The following RXFP1 variants were observed in gnomAD, a reference collection of about 807,000 sequenced individuals.
RXFP1 encodes the protein relaxin family peptide receptor 1, also known as relaxin receptor 1.
RXFP1 carries 73 observed loss-of-function variants against 89.8 expected under a neutral mutation model. The ratio of observed to expected loss-of-function variants is 0.81; its 90% confidence interval spans 0.67 to 0.99. The LOEUF is 0.99. Ranked by LOEUF, RXFP1 falls within the 50% of genes least tolerant of loss-of-function variation. RXFP1 has a pLI of 0.00. For synonymous variants in RXFP1, 277 were observed against 305.5 expected (o/e 0.91, Z 0.97); for missense variants, 793 against 895.5 (o/e 0.89, Z 1.46).
intron 1 of RXFP1, among the ~76,000 whole-genome samples, chr4:158,529,053 A>G (rs1372387235): frequency 6.6e-6 from 1 of 152,188 alleles, no homozygotes; most frequent in East Asian, 1.9e-4. Flanking sequence ...GTTTCCTGAG[A>G]TAGAGTAACA....
intron 2 of RXFP1, among the ~76,000 whole-genome samples, chr4:158,581,461 T>C (rs1434647900): frequency 6.6e-6 from 1 of 152,220 alleles, no homozygotes; most frequent in East Asian, 1.9e-4. Context: ...AAATCTCTTA[T>C]TGATAAAATT....
At chr4:158,531,635 T>G (rs184360914) in intron 1 of RXFP1, among the ~76,000 whole-genome samples, 2 of 152,300 alleles carry the variant, frequency 1.3e-5, no homozygotes, top group East Asian at 3.9e-4. Context: ...GAAGGAAATG[T>G]TATAAACTAC....
intron 2 of RXFP1, among the ~76,000 whole-genome samples, chr4:158,585,436 C>T (rs561534036): frequency 6.6e-6 from 1 of 152,334 alleles, no homozygotes; most frequent in Admixed American, 6.5e-5. Flanking sequence ...CCTTTGTCCT[C>T]ATCCCCCAGT....
chr4:158,564,514 C>T (rs534616957), intron 1 of RXFP1, among the ~76,000 whole-genome samples: 9 of 152,254 alleles, frequency 5.9e-5, no homozygotes, highest in African/African-American at 2.2e-4. Flanking sequence ...TCCTCCAAGC[C>T]AGAGAGACTC....
At chr4:158,579,615 C>G (rs1378465871) in intron 2 of RXFP1, among the ~76,000 whole-genome samples, 1 of 152,130 alleles carries the variant, frequency 6.6e-6, no homozygotes, top group Non-Finnish European at 1.5e-5. Flanking sequence ...TTACAGCAGC[C>G]CTGGGGAACA....
intron 1 of RXFP1, among the ~76,000 whole-genome samples, chr4:158,556,262 C>T (rs547206752): frequency 5.4e-5 from 8 of 149,418 alleles, no homozygotes; most frequent in African/African-American, 1.5e-4. Context: ...GACAAAAGAC[C>T]TTAATGGATG....
intron 2 of RXFP1, among the ~76,000 whole-genome samples, chr4:158,584,899 A>G (rs1020932230): frequency 1.3e-5 from 2 of 152,232 alleles, no homozygotes; most frequent in Non-Finnish European, 2.9e-5. Context: ...CATAACACCT[A>G]GAAAATGATT....
intron 8 of RXFP1, 38 bp from the exon 9 acceptor site, chr4:158,617,093 C>T: frequency 7.0e-7 from 1 of 1,423,734 alleles, no homozygotes; most frequent in East Asian, 2.3e-5. Flanking sequence ...GAGAAGAGAA[C>T]CAGAAAAATG....
At chr4:158,571,813 C>T (rs945801943) in intron 1 of RXFP1, among the ~76,000 whole-genome samples, 3 of 152,156 alleles carry the variant, frequency 2.0e-5, no homozygotes, top group Non-Finnish European at 2.9e-5. Flanking sequence ...TGGAAGCTTT[C>T]GTATGTAAAT....
chr4:158,615,113 T>C (rs1162384162), intron 8 of RXFP1, among the ~76,000 whole-genome samples: 1 of 152,106 alleles, frequency 6.6e-6, no homozygotes, highest in Non-Finnish European at 1.5e-5. Flanking sequence ...TTAGAAGCCA[T>C]TGTAAGGTCA....
chr4:158,529,240 G>GTTTTT lies in RXFP1; in HGVS notation c.49+7217_49+7221dup, dbSNP rs60839416. ...GTCTGATCTCTTTTTTTGCTTGCTTGTTTTTTGTTGTTGTTGTTGTTGTTG... is the reference window on the plus strand; with the variant it reads ...GTCTGATCTCTTTTTTTGCTTGCTTGTTTTTTTTTTTGTTGTTGTTGTTGTTGTTG... On this transcript the variant is annotated intron_variant, in intron 1 of 17. Transcript: ENST00000307765. 7.6e-3 allele frequency among the ~76,000 whole-genome samples: 1,013 copies of GTTTTT among 134,054 alleles called. 8 individuals are homozygous for GTTTTT. The highest frequency in any genetic ancestry group is 0.01 in the Non-Finnish European group (675 of 65,836). The allele number at this position is 134,054 out of a possible 152,430, so 87.9% of individuals were successfully genotyped here.
chr4:158,629,439 T>C (rs1019389567), intron 11 of RXFP1, among the ~76,000 whole-genome samples: 1 of 152,184 alleles, frequency 6.6e-6, no homozygotes. Context: ...ATTTTTATAA[T>C]GCCCCTTTTT....
chr4:158,574,358 T>A (rs1755777625), intron 2 of RXFP1, among the ~76,000 whole-genome samples: 2 of 152,192 alleles, frequency 1.3e-5, no homozygotes, highest in African/African-American at 4.8e-5. Flanking sequence ...TAACATAAAA[T>A]AAGATGAACA....
intron 17 of RXFP1, among the ~76,000 whole-genome samples, chr4:158,648,985 C>A (rs1222603067): frequency 1.3e-5 from 2 of 152,090 alleles, no homozygotes; most frequent in African/African-American, 2.4e-5. Flanking sequence ...TGGTGGTGCA[C>A]CGCTGCAGTC....
intron 17 of RXFP1, among the ~76,000 whole-genome samples, chr4:158,649,823 G>A (rs537870459): frequency 6.6e-6 from 1 of 152,282 alleles, no homozygotes; most frequent in Admixed American, 6.5e-5. Context: ...CCATCCAATG[G>A]TTTAGTTACC....
At chr4:158,622,408 A>G (rs896948789) in intron 9 of RXFP1, among the ~76,000 whole-genome samples, 1 of 152,196 alleles carries the variant, frequency 6.6e-6, no homozygotes, top group Non-Finnish European at 1.5e-5. Context: ...TGTCAAAGAG[A>G]TATCTTCACT....
At chr4:158,607,914 T>C (rs1349261646) in intron 5 of RXFP1, 58 bp from the exon 6 acceptor site, 4 of 1,173,758 alleles carry the variant, frequency 3.4e-6, no homozygotes, top group Admixed American at 3.6e-5. Context: ...ATTCTTTTTG[T>C]CTTGCAAAAG....
chr4:158,527,564 A>AAATATATATATATATAT (rs5741905), intron 1 of RXFP1, among the ~76,000 whole-genome samples: 37 of 98,326 alleles, frequency 3.8e-4, no homozygotes, highest in African/African-American at 6.7e-4. Context: ...AAAAAAAAAA[A>AAATATATATATATATAT]ATATATATAT....
chr4:158,614,745 G>A (rs1764222490), intron 8 of RXFP1, among the ~76,000 whole-genome samples: 1 of 151,990 alleles, frequency 6.6e-6, no homozygotes, highest in Non-Finnish European at 1.5e-5. Context: ...CATTGGAGTA[G>A]CACTTCTAAT....
Sources: allele counts gnomAD v4.1 joint callset (sites outside exome capture counted in the v4.1 genomes callset), GRCh38; gene constraint gnomAD v4.1.1; transcripts MANE v1.5; gene names NCBI Gene and HGNC (gene_info 2026-07-23, HGNC 2026-07-21).